Variants in PAPPA2 observed in about 807,000 individuals in gnomAD.
PAPPA2 encodes pappalysin-2.
In PAPPA2, 86 loss-of-function variants were observed where a neutral mutation model predicts 176.4. The observed-to-expected ratio is 0.49, with a 90% CI of 0.41 to 0.58. PAPPA2 has a LOEUF of 0.58. PAPPA2 is among the 20% of genes least tolerant of loss of function. PAPPA2 has a pLI of 0.00. For synonymous variants in PAPPA2, 809 were observed against 852.2 expected, an observed-to-expected ratio of 0.95 and a Z score of 0.88; for missense variants, 2,073 against 2,256.9, an observed-to-expected ratio of 0.92 and a Z score of 1.65.
In PAPPA2 at chr1:176,556,935, C is replaced by A. The variant is rs1467869802; in HGVS notation, c.613C>A (p.Arg205=). The change falls in exon 2 of 23, where the codon CGG becomes AGG. Residue 205 remains arginine (R), a synonymous_variant. Coordinates refer to ENST00000367662, the MANE Select transcript of PAPPA2 (RefSeq NM_020318.3). ...SRQRRQVWKR[R]AEDGQGDSGI... ...GCAGCGTCGCCAAGTGTGGAAGAGG[C>A]GGGCGGAAGATGGGCAGGGAGACTC... The A allele has an allele frequency of 4.3e-6, 7 of 1,614,074 alleles. No individual in the cohort carries two copies. The highest frequency in any genetic ancestry group is 5.9e-6 in the Non-Finnish European group (7 of 1,179,996).
At chr1:176,767,218 A>G (rs564862001) in intron 15 of PAPPA2, among the ~76,000 whole-genome samples, 45 of 152,388 alleles carry the variant, frequency 3.0e-4, no homozygotes, top group African/African-American at 1.1e-3. Context: ...GTGATAGGTG[A>G]AGAAGGGGAG....
At chr1:176,695,529 G>A (rs1299711678) in intron 6 of PAPPA2, among the ~76,000 whole-genome samples, 1 of 152,018 alleles carries the variant, frequency 6.6e-6, no homozygotes, top group Admixed American at 6.6e-5. Flanking sequence ...TCTGCTTCAT[G>A]ATCTTGAAAT....
rs563064438 is a variant in PAPPA2 at position 176,843,831 on chromosome 1, C to A, written c.*1377C>A. The A allele has an allele frequency of 6.6e-6, 1 of 152,258 alleles. No individual in the cohort carries two copies. 9.4% of individuals were successfully genotyped at this position (152,258 alleles called of 1,614,324 possible). On this transcript the variant is annotated 3_prime_UTR_variant, in exon 23 of 23. Transcript: ENST00000367662. ...AGCAATGAAGAATCTGAGATAAATT[C>A]TCTTCAAGTATCATGTACAAAATCT...
chr1:176,653,781 A>G (rs766315396), intron 3 of PAPPA2, among the ~76,000 whole-genome samples: 63 of 151,662 alleles, frequency 4.2e-4, no homozygotes, highest in Non-Finnish European at 8.6e-4. Flanking sequence ...CTCTTTTGGA[A>G]TTGCATTTGT....
intron 3 of PAPPA2, among the ~76,000 whole-genome samples, chr1:176,648,248 C>T (rs1657525267): frequency 1.3e-5 from 2 of 151,340 alleles, no homozygotes; most frequent in South Asian, 2.1e-4. Context: ...TTTGCTGTTG[C>T]TGTATATAAA....
At chr1:176,739,782 T>C in intron 13 of PAPPA2, 21 bp downstream of exon 13, 3 of 1,612,240 alleles carry the variant, frequency 1.9e-6, no homozygotes, top group Non-Finnish European at 1.7e-6. Context: ...CAAATATCCC[T>C]TTAGGGTCAC....
chr1:176,468,462 T>C (rs985423621), intron 1 of PAPPA2, among the ~76,000 whole-genome samples: 2 of 152,128 alleles, frequency 1.3e-5, no homozygotes, highest in Non-Finnish European at 2.9e-5. Context: ...CCTTTCCAGG[T>C]ATATGGTCCC....
intron 3 of PAPPA2, among the ~76,000 whole-genome samples, chr1:176,670,704 G>A (rs1413629555): frequency 6.6e-6 from 1 of 152,142 alleles, no homozygotes; most frequent in East Asian, 1.9e-4. Flanking sequence ...ATAGGGTGGG[G>A]AATTGAGTAT....
At chr1:176,598,501 C>A (rs1205934317) in intron 3 of PAPPA2, among the ~76,000 whole-genome samples, 2 of 152,016 alleles carry the variant, frequency 1.3e-5, no homozygotes, top group African/African-American at 4.8e-5. Flanking sequence ...GAACAAAGTA[C>A]TATTCTATTA....
At chr1:176,656,512 A>G (rs919356534) in intron 3 of PAPPA2, among the ~76,000 whole-genome samples, 4 of 151,880 alleles carry the variant, frequency 2.6e-5, no homozygotes, top group African/African-American at 9.7e-5. Flanking sequence ...GGAATGGGCA[A>G]TGTAATTCCA....
Position 176,664,165 on chromosome 1 carries a change from T to C in PAPPA2, c.1992-6805T>C, listed in dbSNP as rs150967418. 2.1e-3 allele frequency among the ~76,000 whole-genome samples: 322 copies of C among 152,306 alleles called. 3 individuals are homozygous for C. The highest frequency in any genetic ancestry group is 7.4e-3 in the African/African-American group (308 of 41,570). On this transcript the variant is annotated intron_variant, in intron 3 of 22. Transcript: ENST00000367662. The stretch of plus-strand genomic sequence containing the variant: ...AGATGTATTAGTTTTTGATTCTTGC[T>C]GTAATAAGTTATTGCAAGCATAGTG...
intron 2 of PAPPA2, among the ~76,000 whole-genome samples, chr1:176,582,787 G>T (rs912656730): frequency 1.3e-5 from 2 of 152,050 alleles, no homozygotes; most frequent in East Asian, 1.9e-4. Context: ...GAGTTTAGAA[G>T]AACTACCCTA....
chr1:176,499,936 A>G (rs1018082667), intron 1 of PAPPA2, among the ~76,000 whole-genome samples: 4 of 152,126 alleles, frequency 2.6e-5, no homozygotes, highest in Non-Finnish European at 5.9e-5. Context: ...GTATGTATGT[A>G]TTAGGAGGTC....
At chr1:176,528,419 G>A (rs1573002234) in intron 1 of PAPPA2, among the ~76,000 whole-genome samples, 1 of 152,208 alleles carries the variant, frequency 6.6e-6, no homozygotes, top group Non-Finnish European at 1.5e-5. Context: ...TTATACCTAA[G>A]GAGGTGAGCA....
chr1:176,498,114 C>T (rs767922408), intron 1 of PAPPA2, among the ~76,000 whole-genome samples: 2 of 152,140 alleles, frequency 1.3e-5, no homozygotes, highest in Non-Finnish European at 2.9e-5. Context: ...CACAGACTCC[C>T]ATTATTCTTT....
intron 12 of PAPPA2, among the ~76,000 whole-genome samples, chr1:176,713,119 T>G (rs1661215178): frequency 6.6e-6 from 1 of 152,168 alleles, no homozygotes; most frequent in South Asian, 2.1e-4. Flanking sequence ...ATGGCTAACT[T>G]TTCTTGCTCT....
intron 3 of PAPPA2, among the ~76,000 whole-genome samples, chr1:176,657,220 G>T (rs1658082835): frequency 6.6e-6 from 1 of 151,936 alleles, no homozygotes; most frequent in Admixed American, 6.6e-5. Context: ...ACCAAAATCT[G>T]TCAGATGAAA....
Position 176,751,123 on chromosome 1 carries a change from T to G in PAPPA2, c.4151+10927T>G, listed in dbSNP as rs566715970. Among the ~76,000 whole-genome samples the G allele has an allele frequency of 9.9e-5, 15 of 151,908 alleles. No homozygotes were observed. In the South Asian group the frequency reaches 2.9e-3, roughly 30 times the overall value. On this transcript the variant is annotated intron_variant, in intron 14 of 22. Coordinates refer to ENST00000367662, the MANE Select transcript of PAPPA2 (RefSeq NM_020318.3). ...ATCCTTTCCCCATTGCTTGTTTTTCTCAGGTTTGTCAAAGATCAGGTAGTT... is the reference window on the plus strand; with the variant it reads ...ATCCTTTCCCCATTGCTTGTTTTTCGCAGGTTTGTCAAAGATCAGGTAGTT...
intron 3 of PAPPA2, among the ~76,000 whole-genome samples, chr1:176,597,359 T>G (rs1034093863): frequency 1.3e-5 from 2 of 152,216 alleles, no homozygotes; most frequent in Non-Finnish European, 1.5e-5. Flanking sequence ...CACAAATTGT[T>G]GTAAAATAAG....
Sources: allele counts gnomAD v4.1 joint callset (sites outside exome capture counted in the v4.1 genomes callset), GRCh38; gene constraint gnomAD v4.1.1; transcripts MANE v1.5; gene names NCBI Gene and HGNC (gene_info 2026-07-23, HGNC 2026-07-21).